EEF1B2: variants seen among roughly 807,000 people sequenced by gnomAD.
EEF1B2 encodes elongation factor 1-beta.
Under a neutral mutation model 28.3 loss-of-function variants are expected in EEF1B2, and 12 were observed. The observed-to-expected ratio is 0.42, with a 90% CI of 0.27 to 0.69. The LOEUF is 0.69. Among genes scored for constraint, EEF1B2 ranks in the 30% least tolerant of loss-of-function variants. The pLI, the probability that EEF1B2 is intolerant of heterozygous loss-of-function variation, is 0.22. For synonymous variants in EEF1B2, 83 were observed against 99.9 expected (o/e 0.83, Z 1.01); for missense variants, 234 against 272.6 (o/e 0.86, Z 1.00).
chr2:206,161,241 A>G, intron 2 of EEF1B2, 105 bp from the exon 3 acceptor site: 1 of 1,514,276 alleles, frequency 6.6e-7, no homozygotes, highest in East Asian at 2.3e-5. Flanking sequence ...TTATGATTGC[A>G]AAAGGGATCT....
At chr2:206,160,534 T>G (rs1223796796) in intron 1 of EEF1B2, 54 bp from the exon 2 acceptor site, 6 of 1,612,942 alleles carry the variant, frequency 3.7e-6, no homozygotes, top group Non-Finnish European at 5.1e-6. Context: ...TATTATTTAT[T>G]CGCTGGCGTT....
intron 2 of EEF1B2, 59 bp from the exon 3 acceptor site, chr2:206,161,287 T>G: frequency 6.3e-7 from 1 of 1,599,882 alleles, no homozygotes; most frequent in South Asian, 1.1e-5. Context: ...TTATTTTGTA[T>G]TTTCTGGAAA....
chr2:206,161,263 G>A, intron 2 of EEF1B2, 83 bp from the exon 3 acceptor site: 1 of 1,573,526 alleles, frequency 6.4e-7, no homozygotes. Context: ...GTGATAAGTA[G>A]TGATTAAAAC....
intron 2 of EEF1B2, 193 bp from the exon 3 acceptor site, chr2:206,161,153 C>T: frequency 1.5e-6 from 1 of 664,708 alleles, no homozygotes; most frequent in South Asian, 1.9e-5. Flanking sequence ...AAAATAATGT[C>T]TCACATGGTA....
At position 206,159,989 on chromosome 2, in the gene EEF1B2, G is replaced by A. The variant is rs1358227308; in HGVS notation, c.10G>A (p.Gly4Arg). The change falls in exon 1 of 6, where the codon GGA becomes AGA. Residue 4 changes from glycine to arginine, a missense_variant. Gly to Arg is a moderately radical substitution (Grantham distance 125). Transcript: ENST00000392222. MGF[G>R]DLKSPAGLQV... ...GGATACAGCCGACACCATGGGTTTCGGAGACCTGAAAAGCCCTGCCGGCCT... is the reference window on the plus strand; with the variant it reads ...GGATACAGCCGACACCATGGGTTTCAGAGACCTGAAAAGCCCTGCCGGCCT... 2 of 1,612,666 alleles carry A rather than the reference G, an allele frequency of 1.2e-6. No homozygotes were observed. Among genetic ancestry groups the A allele is most frequent in the African/African-American group, 1.3e-5 (1 of 74,792 alleles).
intron 2 of EEF1B2, 35 bp from the exon 3 acceptor site, chr2:206,161,311 A>C (rs1687921514): frequency 1.2e-6 from 2 of 1,611,268 alleles, no homozygotes; most frequent in Admixed American, 3.3e-5. Flanking sequence ...ATGTTATACT[A>C]GCTCAATAGT....
chr2:206,159,887 CT>C, upstream of EEF1B2: 1 of 1,459,778 alleles, frequency 6.9e-7, no homozygotes, highest in Non-Finnish European at 9.3e-7. Context: ...TTTCCGGTCT[CT>C]TCGGGTCCTT....
chr2:206,161,623 A>C (rs941866600), intron 3 of EEF1B2, 151 bp downstream of exon 3: 3 of 987,312 alleles, frequency 3.0e-6, no homozygotes, highest in Non-Finnish European at 4.4e-6. Context: ...TGTACTAAAA[A>C]TACAAAAAAA....
Position 206,161,467 on chromosome 2 carries a change from G to A in EEF1B2, c.325G>A (p.Glu109Lys). ...CATTGACCTCTTTGGATCTGATGAT[G>A]AGGAGGTATGGCGTCTTCTATAAAG... ...DDIDLFGSDD[E>K]EESEEAKRLR... The change falls in exon 3 of 6, where the codon GAG becomes AAG. Residue 109 changes from glutamate (E) to lysine (K), a missense_variant. By Grantham distance (56) the Glu-to-Lys change is moderately conservative (BLOSUM62 1). Transcript: ENST00000392222. 1 of 1,613,756 alleles carries A rather than the reference G, an allele frequency of 6.2e-7. No homozygotes were observed. Among genetic ancestry groups the A allele is most frequent in the East Asian group, 2.2e-5 (1 of 44,868 alleles).
chr2:206,161,131 TAGTG>T (rs1687916724), intron 2 of EEF1B2: 6 of 609,084 alleles, frequency 9.9e-6, no homozygotes, highest in Admixed American at 2.9e-5. Flanking sequence ...GAGTAAATCA[TAGTG>T]AGTATTGAAA....
chr2:206,160,086 G>T, intron 1 of EEF1B2, 27 bp downstream of exon 1: 1 of 1,606,410 alleles, frequency 6.2e-7, no homozygotes, highest in South Asian at 1.1e-5. Context: ...AGTCGGGGTG[G>T]CGGGGAGGTT....
At chr2:206,159,860 G>C, upstream of EEF1B2, 1 of 1,152,442 alleles carries the variant, frequency 8.7e-7, no homozygotes, top group South Asian at 1.6e-5. Context: ...AAACGCCTCC[G>C]TCTCTATATA....
In EEF1B2 at chr2:206,160,033, C is replaced by T. The variant is rs757535612; in HGVS notation, c.54C>T (p.Tyr18=). 3.1e-6 allele frequency: 5 copies of T among 1,613,376 alleles called. No individual in the cohort carries two copies. Among genetic ancestry groups the T allele is most frequent in the Non-Finnish European group, 4.2e-6 (5 of 1,179,744 alleles). The change falls in exon 1 of 6, where the codon TAC becomes TAT. Residue 18 remains tyrosine, a synonymous_variant. Transcript: ENST00000392222. The part of the protein sequence containing the change: ...SPAGLQVLND[Y]LADKSYIEGY... ...CCGGCCTCCAGGTGCTCAACGATTACCTGGCGGACAAGAGCTACATCGAGG... is the reference window on the plus strand; with the variant it reads ...CCGGCCTCCAGGTGCTCAACGATTATCTGGCGGACAAGAGCTACATCGAGG...
Position 206,161,444 on chromosome 2 carries a change from T to A in EEF1B2, c.302T>A (p.Ile101Asn). 1.2e-6 allele frequency: 2 copies of A among 1,613,890 alleles called. No homozygotes were observed. Among genetic ancestry groups the A allele is most frequent in the Non-Finnish European group, 1.7e-6 (2 of 1,179,852 alleles). ...ACAGATAGTAAAGATGATGATGACA[T>A]TGACCTCTTTGGATCTGATGATGAG... Reference protein sequence around the residue: ...GATDSKDDDDIDLFGSDDEEE... With the variant: ...GATDSKDDDDNDLFGSDDEEE... The change falls in exon 3 of 6, where the codon ATT becomes AAT. Residue 101 changes from isoleucine to asparagine, a missense_variant. Physicochemically the swap from Ile to Asn is moderately radical, Grantham distance 149. This residue lies in a region of EEF1B2 where 178 missense variants were observed against 173.3 expected (regional missense o/e 1.03). Coordinates refer to ENST00000392222, the MANE Select transcript of EEF1B2 (RefSeq NM_001959.4).
chr2:206,162,353 G>A lies in EEF1B2; in HGVS notation c.398-136G>A, dbSNP rs562321830. ...AGAAAGTGGGTATATATGTGTGACAGACACAAGATGTATCTGTAGTTTTGT... is the reference window on the plus strand; with the variant it reads ...AGAAAGTGGGTATATATGTGTGACAAACACAAGATGTATCTGTAGTTTTGT... On this transcript the variant is annotated intron_variant, in intron 4 of 5. Coordinates refer to ENST00000392222, the MANE Select transcript of EEF1B2 (RefSeq NM_001959.4). The A allele has an allele frequency of 4.9e-6, 7 of 1,420,756 alleles. No homozygotes were observed. In the South Asian group the frequency reaches 5.8e-5, roughly 12 times the overall value. The allele number at this position is 1,420,756 out of a possible 1,614,324, so 88.0% of individuals were successfully genotyped here.
rs763018002 is a variant in EEF1B2, at chr2:206,161,430, A to T, written c.288A>T (p.Lys96Asn). The T allele has an allele frequency of 1.2e-6, 2 of 1,613,894 alleles. No individual in the cohort carries two copies. Among genetic ancestry groups the T allele is most frequent in the African/African-American group, 2.7e-5 (2 of 74,920 alleles). ...DTTGSGATDS[K>N]DDDDIDLFGS... ...CAGGAAGTGGAGCTACAGATAGTAA[A>T]GATGATGATGACATTGACCTCTTTG... The change falls in exon 3 of 6, where the codon AAA (lysine) becomes AAT (asparagine). Residue 96 changes from lysine (K) to asparagine (N), a missense_variant. This residue lies in a region of EEF1B2 where 178 missense variants were observed against 173.3 expected (regional missense o/e 1.03). Transcript: ENST00000392222.
intron 2 of EEF1B2, chr2:206,160,948 C>T: frequency 1.4e-6 from 1 of 735,538 alleles, no homozygotes; most frequent in Non-Finnish European, 2.4e-6. Flanking sequence ...GTGCCTCGAC[C>T]TTGACCTGGG....
At chr2:206,159,734 G>A (rs547035518), upstream of EEF1B2, 2 of 418,808 alleles carry the variant, frequency 4.8e-6, no homozygotes, top group South Asian at 1.0e-4. Context: ...CAAACGCAAC[G>A]AAAGGTCCAT....
rs755489934 is a variant in EEF1B2, at chr2:206,162,460, A to G, written c.398-29A>G. The G allele has an allele frequency of 2.2e-5, 35 of 1,610,020 alleles. No individual in the cohort carries two copies. The Admixed American group carries it at 2.9e-4, about 13-fold the overall frequency. ...TAGGGTGAAAAAAATACAATTCATT[A>G]TTTGAATAATGCTGTTTATTGTTTT... On this transcript the variant is annotated intron_variant, in intron 4 of 5. Coordinates refer to ENST00000392222, the MANE Select transcript of EEF1B2 (RefSeq NM_001959.4).
Sources: allele counts gnomAD v4.1 joint callset, GRCh38; gene constraint gnomAD v4.1.1; regional missense constraint gnomAD v4.1.1; transcripts MANE v1.5; gene names NCBI Gene and HGNC (gene_info 2026-07-23, HGNC 2026-07-21).